KCNH8: variants seen among roughly 807,000 people sequenced by gnomAD.
KCNH8 encodes potassium voltage-gated channel subfamily H member 8.
KCNH8 carries 70 observed loss-of-function variants against 103.6 expected under a neutral mutation model. That is an observed-to-expected ratio of 0.68 (90% CI 0.56 to 0.82). KCNH8 has a LOEUF of 0.82. Ranked by LOEUF, KCNH8 falls within the 40% of genes least tolerant of loss-of-function variation. The probability of loss-of-function intolerance (pLI) is 0.00; values close to 1 mark genes in which losing one functional copy is unlikely to be tolerated. For missense variants in KCNH8, 1,217 were observed against 1,329.9 expected (o/e 0.92, Z 1.32); for synonymous variants, 498 against 489.4 (o/e 1.02, Z -0.23).
At chr3:19,352,385 A>G (rs1252422505) in intron 5 of KCNH8, among the ~76,000 whole-genome samples, 1 of 152,190 alleles carries the variant, frequency 6.6e-6, no homozygotes, top group East Asian at 1.9e-4. Context: ...AAGCGGACCT[A>G]ATAGACATCT....
intron 1 of KCNH8, among the ~76,000 whole-genome samples, chr3:19,194,684 C>T (rs984436192): frequency 4.6e-5 from 7 of 151,730 alleles, no homozygotes; most frequent in African/African-American, 1.7e-4. Flanking sequence ...GTACTAGGTT[C>T]ATTACCTGGG....
intron 7 of KCNH8, among the ~76,000 whole-genome samples, chr3:19,429,466 G>A (rs558654044): frequency 3.3e-5 from 5 of 152,212 alleles, no homozygotes; most frequent in African/African-American, 9.6e-5. Flanking sequence ...GAGCCACCGC[G>A]CCCGGCCGGA....
intron 5 of KCNH8, among the ~76,000 whole-genome samples, chr3:19,378,383 A>G (rs971758674): frequency 6.6e-6 from 1 of 152,234 alleles, no homozygotes; most frequent in Non-Finnish European, 1.5e-5. Context: ...ATTGTACAAT[A>G]GAGTTGCATT....
Position 19,275,649 on chromosome 3 carries a change from A to G in KCNH8, c.311-5549A>G, listed in dbSNP as rs554048237. Among the ~76,000 whole-genome samples the G allele has an allele frequency of 5.3e-5, 8 of 152,268 alleles. No homozygotes were observed. The East Asian group carries it at 1.5e-3, about 29-fold the overall frequency. Reference sequence around the variant, plus strand: ...CATTACTTTCATCTCTTAGTATAGTACAAACATCAGGAAGGGCTGGTGACG... The same window carrying G: ...CATTACTTTCATCTCTTAGTATAGTGCAAACATCAGGAAGGGCTGGTGACG... On this transcript the variant is annotated intron_variant, in intron 2 of 15. Transcript: ENST00000328405.
intron 1 of KCNH8, among the ~76,000 whole-genome samples, chr3:19,214,563 G>A (rs955397591): frequency 6.6e-6 from 1 of 152,192 alleles, no homozygotes; most frequent in Non-Finnish European, 1.5e-5. Context: ...TTCCCCTGTG[G>A]ATCAGGCCAA....
intron 3 of KCNH8, among the ~76,000 whole-genome samples, chr3:19,283,423 A>G (rs771212815): frequency 6.6e-6 from 1 of 152,200 alleles, no homozygotes; most frequent in Non-Finnish European, 1.5e-5. Context: ...CACTTTTAAC[A>G]TTAATTATAT....
chr3:19,219,678 C>T (rs1047360919), intron 1 of KCNH8, among the ~76,000 whole-genome samples: 24 of 152,296 alleles, frequency 1.6e-4, no homozygotes, highest in African/African-American at 5.8e-4. Flanking sequence ...ATGATGACTG[C>T]AAATTCTTAT....
chr3:19,388,550 G>T (rs1040795134), intron 5 of KCNH8, among the ~76,000 whole-genome samples: 1 of 152,018 alleles, frequency 6.6e-6, no homozygotes, highest in Non-Finnish European at 1.5e-5. Flanking sequence ...TATCCTATGT[G>T]AGTGCTTTAT....
chr3:19,377,628 A>G (rs189232345), intron 5 of KCNH8, among the ~76,000 whole-genome samples: 7 of 152,320 alleles, frequency 4.6e-5, no homozygotes, highest in African/African-American at 1.4e-4. Flanking sequence ...AAGAGGTTCA[A>G]TGCCCAGGAG....
intron 11 of KCNH8, among the ~76,000 whole-genome samples, chr3:19,474,758 TATG>T (rs1163525760): frequency 2.0e-5 from 3 of 152,220 alleles, no homozygotes; most frequent in Non-Finnish European, 4.4e-5. Context: ...AAGCGGAACA[TATG>T]ATGACTGATT....
rs534500975 is a variant in KCNH8, at chr3:19,445,036, T to C, written c.1376-5070T>C. Reference sequence around the variant, plus strand: ...ACTTCAGGTTATATACACAGATGTCTATAAAAGCATTTTTGTAAGAATCTC... The same window carrying C: ...ACTTCAGGTTATATACACAGATGTCCATAAAAGCATTTTTGTAAGAATCTC... On this transcript the variant is annotated intron_variant, in intron 8 of 15. Coordinates refer to ENST00000328405, the MANE Select transcript of KCNH8 (RefSeq NM_144633.3). 2.3e-4 allele frequency among the ~76,000 whole-genome samples: 35 copies of C among 152,074 alleles called. No individual in the cohort carries two copies. The South Asian group carries it at 7.0e-3, about 31-fold the overall frequency.
chr3:19,439,698 GTTA>G (rs2067250802), intron 8 of KCNH8, among the ~76,000 whole-genome samples: 1 of 152,070 alleles, frequency 6.6e-6, no homozygotes, highest in African/African-American at 2.4e-5. Flanking sequence ...AGTTATTGCT[GTTA>G]TTAAAGAAGA....
intron 1 of KCNH8, among the ~76,000 whole-genome samples, chr3:19,245,684 T>G (rs1478664771): frequency 6.6e-6 from 1 of 152,180 alleles, no homozygotes; most frequent in African/African-American, 2.4e-5. Flanking sequence ...TATTCATGGG[T>G]ATTTTATTTT....
chr3:19,294,345 A>C (rs2064968190), intron 3 of KCNH8, among the ~76,000 whole-genome samples: 1 of 152,198 alleles, frequency 6.6e-6, no homozygotes, highest in South Asian at 2.1e-4. Context: ...TCAACGTGGA[A>C]CATTGTAGTA....
chr3:19,433,207 G>A (rs183703056), intron 7 of KCNH8, among the ~76,000 whole-genome samples: 2 of 152,188 alleles, frequency 1.3e-5, no homozygotes, highest in East Asian at 3.9e-4. Context: ...TAATACAAGT[G>A]GCACATTTTT....
intron 11 of KCNH8, among the ~76,000 whole-genome samples, chr3:19,499,082 G>C (rs533938397): frequency 1.4e-4 from 22 of 152,308 alleles, no homozygotes; most frequent in Non-Finnish European, 1.9e-4. Context: ...AACCAATACA[G>C]AGAAGTGCTT....
rs1369898168 is a variant in KCNH8 at position 19,534,307 on chromosome 3, G to A, written c.*208G>A. ...AGAAGCATAATAGAAACATTTTTCTGTACAGGTATTAAACTACTGGTCTGT... is the reference window on the plus strand; with the variant it reads ...AGAAGCATAATAGAAACATTTTTCTATACAGGTATTAAACTACTGGTCTGT... On this transcript the variant is annotated 3_prime_UTR_variant, in exon 16 of 16. Coordinates refer to ENST00000328405, the MANE Select transcript of KCNH8 (RefSeq NM_144633.3). 11 of 581,740 alleles carry A rather than the reference G, an allele frequency of 1.9e-5. No individual in the cohort carries two copies. Among genetic ancestry groups the A allele is most frequent in the African/African-American group, 3.7e-5 (2 of 53,582 alleles). The allele number at this position is 581,740 out of a possible 1,614,324, so 36.0% of individuals were successfully genotyped here.
At chr3:19,469,512 TCA>T (rs2067811219) in intron 11 of KCNH8, among the ~76,000 whole-genome samples, 1 of 152,142 alleles carries the variant, frequency 6.6e-6, no homozygotes, top group African/African-American at 2.4e-5. Flanking sequence ...CGATCTCGGC[TCA>T]CTGCAACCTC....
intron 11 of KCNH8, among the ~76,000 whole-genome samples, chr3:19,476,218 TC>T (rs1308972520): frequency 3.3e-5 from 5 of 152,306 alleles, no homozygotes; most frequent in Admixed American, 3.3e-4. Context: ...ATATTTCAAA[TC>T]AGCAAAGTAG....
Sources: allele counts gnomAD v4.1 joint callset (sites outside exome capture counted in the v4.1 genomes callset), GRCh38; gene constraint gnomAD v4.1.1; transcripts MANE v1.5; gene names NCBI Gene and HGNC (gene_info 2026-07-23, HGNC 2026-07-21).